Variants in SMURF2 observed in about 807,000 individuals in gnomAD.
The protein encoded by SMURF2 is SMAD specific E3 ubiquitin protein ligase 2, also known as E3 ubiquitin-protein ligase SMURF2.
A neutral mutation model predicts 109.6 loss-of-function variants in SMURF2; 48 were observed. That is an observed-to-expected ratio of 0.44 (90% CI 0.35 to 0.56). The LOEUF is 0.56. Ranked by LOEUF, SMURF2 falls within the 20% of genes least tolerant of loss-of-function variation. The pLI is 0.01. For synonymous variants in SMURF2, 288 were observed against 317.1 expected (o/e 0.91, Z 0.97); for missense variants, 575 against 909.0 (o/e 0.63, Z 4.72).
intron 10 of SMURF2, among the ~76,000 whole-genome samples, chr17:64,568,483 T>A (rs1283604020): frequency 6.6e-6 from 1 of 152,172 alleles, no homozygotes; most frequent in African/African-American, 2.4e-5. Flanking sequence ...GGCTCTTGAT[T>A]ACCATTGTAC....
intron 1 of SMURF2, among the ~76,000 whole-genome samples, chr17:64,626,614 T>A (rs1014364269): frequency 6.6e-6 from 1 of 151,934 alleles, no homozygotes. Context: ...AATACAAAAA[T>A]TAGCCAGGCG....
Position 64,615,147 on chromosome 17 carries a change from C to T in SMURF2, c.53-8507G>A, listed in dbSNP as rs144995193. ...TGTTTTCATAATGAATGGCTATCTA[C>T]GCTTAATGTGAATAAAGCTCCCAAC... is the stretch of plus-strand genomic sequence containing the variant. On this transcript the variant is annotated intron_variant, in intron 1 of 18. Coordinates refer to ENST00000262435, the MANE Select transcript of SMURF2 (RefSeq NM_022739.4). Among the ~76,000 whole-genome samples the T allele has an allele frequency of 8.5e-5, 13 of 152,230 alleles. No individual in the cohort carries two copies. In the East Asian group the frequency reaches 2.3e-3, roughly 27 times the overall value.
chr17:64,571,005 A>C (rs1255032674), intron 10 of SMURF2, among the ~76,000 whole-genome samples: 1 of 151,694 alleles, frequency 6.6e-6, no homozygotes, highest in Non-Finnish European at 1.5e-5. Flanking sequence ...TTGGTCTTGA[A>C]CTCCTAGGCT....
In SMURF2 at chr17:64,627,121, T is replaced by C. The variant is rs534952492; in HGVS notation, c.53-20481A>G. 1.8e-4 allele frequency among the ~76,000 whole-genome samples: 27 copies of C among 147,028 alleles called. No individual in the cohort carries two copies. In the South Asian group the frequency reaches 4.9e-3, roughly 27 times the overall value. Reference sequence around the variant, plus strand: ...CACTAAGTTTTTTTCCTTTTTTTTTTTTTTTTTTTTGAGATGGAGTCTTGC... The same window carrying C: ...CACTAAGTTTTTTTCCTTTTTTTTTCTTTTTTTTTTGAGATGGAGTCTTGC... On this transcript the variant is annotated intron_variant, in intron 1 of 18. Transcript: ENST00000262435.
At chr17:64,551,743 T>C in intron 15 of SMURF2, 39 bp from the exon 16 acceptor site, 1 of 1,608,860 alleles carries the variant, frequency 6.2e-7, no homozygotes, top group South Asian at 1.1e-5. Flanking sequence ...ATCACATGTA[T>C]TTTCAGATCT....
intron 1 of SMURF2, among the ~76,000 whole-genome samples, chr17:64,649,821 G>A (rs1286124498): frequency 1.3e-5 from 2 of 152,154 alleles, no homozygotes; most frequent in African/African-American, 2.4e-5. Flanking sequence ...ACCAGCCTGA[G>A]TGACAGAGCG....
At chr17:64,638,983 G>A (rs1970458268) in intron 1 of SMURF2, among the ~76,000 whole-genome samples, 2 of 152,140 alleles carry the variant, frequency 1.3e-5, no homozygotes, top group South Asian at 4.1e-4. Flanking sequence ...CCCAACATAA[G>A]GAAGAGTGTA....
At chr17:64,637,352 C>T (rs1970430724) in intron 1 of SMURF2, among the ~76,000 whole-genome samples, 1 of 151,688 alleles carries the variant, frequency 6.6e-6, no homozygotes, top group South Asian at 2.1e-4. Context: ...GTCCCGAACT[C>T]CTGGCCTCAA....
intron 9 of SMURF2, among the ~76,000 whole-genome samples, chr17:64,577,198 T>C (rs549666982): frequency 2.5e-3 from 384 of 152,166 alleles, no homozygotes; most frequent in Non-Finnish European, 4.8e-3. Flanking sequence ...TAAGGGCACA[T>C]ATACACCATG....
At chr17:64,556,120 G>C in intron 13 of SMURF2, 122 bp from the exon 14 acceptor site, 1 of 662,684 alleles carries the variant, frequency 1.5e-6, no homozygotes, top group Non-Finnish European at 2.5e-6. Flanking sequence ...CTCTTCAATA[G>C]AGTCAGGAGG....
chr17:64,661,693 C>A, intron 1 of SMURF2, 136 bp downstream of exon 1: 1 of 526,732 alleles, frequency 1.9e-6, no homozygotes, highest in Non-Finnish European at 2.7e-6. Flanking sequence ...ATTACTCTCC[C>A]TGAACTAGGC....
At chr17:64,661,128 A>G (rs1295547259) in intron 1 of SMURF2, among the ~76,000 whole-genome samples, 1 of 152,114 alleles carries the variant, frequency 6.6e-6, no homozygotes, top group Non-Finnish European at 1.5e-5. Context: ...GAAGTTAGAC[A>G]CAAGTTCTGC....
In SMURF2 at chr17:64,621,924, T is replaced by TAATAAA. The variant is rs1970208974; in HGVS notation, c.53-15285_53-15284insTTTATT. ...AAATAAATAATAATAATAATAATAA[T>TAATAAA]AAAAAGCACTGTAGTGAGCCATCAT... On this transcript the variant is annotated intron_variant, in intron 1 of 18. Coordinates refer to ENST00000262435, the MANE Select transcript of SMURF2 (RefSeq NM_022739.4). Among the ~76,000 whole-genome samples, 3 of 141,774 alleles carry TAATAAA rather than the reference T, an allele frequency of 2.1e-5. No homozygotes were observed. In the South Asian group the frequency reaches 6.6e-4, roughly 31 times the overall value. The allele number at this position is 141,774 out of a possible 152,430, so 93.0% of individuals were successfully genotyped here.
intron 1 of SMURF2, among the ~76,000 whole-genome samples, chr17:64,649,029 A>T (rs1431776766): frequency 1.3e-5 from 2 of 152,214 alleles, no homozygotes; most frequent in Non-Finnish European, 2.9e-5. Flanking sequence ...GAAGAAAGTT[A>T]CATGTAAAGC....
chr17:64,545,940 G>A lies in SMURF2; in HGVS notation c.2155C>T (p.Arg719Ter). Reference protein sequence around the residue: ...NLPKAHTCFNRIDIPPYESYE... With the variant: ...NLPKAHTCFN ...CTTTCATAGGGTGGAATGTCTATTC[G>A]ATTGAAGCTGTGAATAAGCAAATCA... Residue 719 changes from arginine to a stop codon, truncating the protein, a stop_gained, in exon 19 of 19, where the codon CGA (arginine) becomes TGA (stop). Coordinates refer to ENST00000262435, the MANE Select transcript of SMURF2 (RefSeq NM_022739.4). LOFTEE classifies it high-confidence loss of function. 1 of 1,601,176 alleles carries A rather than the reference G, an allele frequency of 6.2e-7. No homozygotes were observed. The highest frequency in any genetic ancestry group is 8.6e-7 in the Non-Finnish European group (1 of 1,168,304).
At chr17:64,648,074 A>AAC (rs1555693140) in intron 1 of SMURF2, among the ~76,000 whole-genome samples, 1 of 147,936 alleles carries the variant, frequency 6.8e-6, no homozygotes, top group South Asian at 2.2e-4. Flanking sequence ...AAAAAAAAAA[A>AAC]AAAAAAAAAA....
intron 1 of SMURF2, among the ~76,000 whole-genome samples, chr17:64,631,975 G>T (rs1331091161): frequency 2.9e-5 from 4 of 139,502 alleles, no homozygotes; most frequent in Non-Finnish European, 6.3e-5. Flanking sequence ...GGGGGGGGGG[G>T]GGGGGTGGAC....
rs1555684517 is a variant in SMURF2, at chr17:64,561,549, T to C, written c.1267A>G (p.Met423Val). The stretch of plus-strand genomic sequence containing the variant: ...CCTTCTTCTCCACGAAATTTTATCA[T>C]TAATCGCTTCCAGAGATCTTTTGGT... ...MRPKDLWKRL[M>V]IKFRGEEGLD... Residue 423 changes from methionine (M) to valine (V), a missense_variant, in exon 12 of 19, where the codon ATG becomes GTG. Met to Val is a conservative substitution (Grantham distance 21). Transcript: ENST00000262435. The C allele has an allele frequency of 1.2e-6, 2 of 1,614,016 alleles. No individual in the cohort carries two copies. The highest frequency in any genetic ancestry group is 8.5e-7 in the Non-Finnish European group (1 of 1,180,004).
intron 1 of SMURF2, among the ~76,000 whole-genome samples, chr17:64,636,822 A>G (rs989450779): frequency 1.3e-5 from 2 of 151,670 alleles, no homozygotes; most frequent in Admixed American, 6.6e-5. Context: ...TATTCTGTAT[A>G]CTAGACCCTT....
Sources: allele counts gnomAD v4.1 joint callset (sites outside exome capture counted in the v4.1 genomes callset), GRCh38; gene constraint gnomAD v4.1.1; transcripts MANE v1.5; gene names NCBI Gene and HGNC (gene_info 2026-07-23, HGNC 2026-07-21).